ABTB3: variants seen among roughly 807,000 people sequenced by gnomAD.
The protein encoded by ABTB3 is ankyrin repeat and BTB domain containing 3, also known as ankyrin repeat- and BTB/POZ domain-containing protein 3.
the ABTB3 span, among the ~76,000 whole-genome samples, chr12:107,641,785 C>T: frequency 4.6e-5 from 7 of 152,142 alleles, no homozygotes; most frequent in Non-Finnish European, 8.8e-5. Flanking sequence ...ATGAAGGTGG[C>T]GGCCACGTGA....
At chr12:107,444,813 G>A in the ABTB3 span, among the ~76,000 whole-genome samples, 1 of 152,228 alleles carries the variant, frequency 6.6e-6, no homozygotes, top group Non-Finnish European at 1.5e-5. Flanking sequence ...TAACGGGGCA[G>A]TTAAGGTCAG....
At chr12:107,330,559 C>T in the ABTB3 span, among the ~76,000 whole-genome samples, 2 of 152,318 alleles carry the variant, frequency 1.3e-5, no homozygotes, top group African/African-American at 4.8e-5. Flanking sequence ...GTTTAACGCT[C>T]ACATTTTACA....
At chr12:107,488,882 C>G in the ABTB3 span, among the ~76,000 whole-genome samples, 1 of 151,196 alleles carries the variant, frequency 6.6e-6, no homozygotes, top group Non-Finnish European at 1.5e-5. Flanking sequence ...ATGTTGAAGG[C>G]CTGAGTCAGG....
the ABTB3 span, among the ~76,000 whole-genome samples, chr12:107,404,990 C>T: frequency 3.3e-5 from 5 of 152,310 alleles, no homozygotes; most frequent in African/African-American, 7.2e-5. Flanking sequence ...GGCCTCACAT[C>T]GGTGTGAGGT....
chr12:107,334,625 G>A, the ABTB3 span, among the ~76,000 whole-genome samples: 2 of 152,104 alleles, frequency 1.3e-5, no homozygotes, highest in South Asian at 2.1e-4. Flanking sequence ...GGAGTATCTC[G>A]GATTCAGGAG....
the ABTB3 span, among the ~76,000 whole-genome samples, chr12:107,436,913 CTGA>C: frequency 1.3e-5 from 2 of 152,092 alleles, no homozygotes; most frequent in Admixed American, 6.5e-5. Context: ...ATTTGAGAGC[CTGA>C]TGAAAGCTAT....
At chr12:107,403,413 T>C in the ABTB3 span, among the ~76,000 whole-genome samples, 5,066 of 152,158 alleles carry the variant, frequency 0.033, 264 homozygotes, top group African/African-American at 0.12. Context: ...TGCTAAAGCT[T>C]CCTACCAGCT....
chr12:107,546,573 A>G, the ABTB3 span, among the ~76,000 whole-genome samples: 3 of 152,186 alleles, frequency 2.0e-5, no homozygotes, highest in African/African-American at 7.2e-5. Context: ...TCTACTTTTG[A>G]TGTCTACACG....
chr12:107,389,496 G>T, the ABTB3 span, among the ~76,000 whole-genome samples: 1 of 152,128 alleles, frequency 6.6e-6, no homozygotes, highest in Non-Finnish European at 1.5e-5. Context: ...GTGACATTCT[G>T]CCCCCAACAA....
At chr12:107,582,458 G>A in the ABTB3 span, among the ~76,000 whole-genome samples, 45 of 152,266 alleles carry the variant, frequency 3.0e-4, 1 homozygote, top group African/African-American at 9.4e-4. Context: ...ACCACTGAGC[G>A]CTTTCCTGTC....
At chr12:107,426,083 T>C in the ABTB3 span, among the ~76,000 whole-genome samples, 1 of 143,814 alleles carries the variant, frequency 7.0e-6, no homozygotes, top group South Asian at 2.5e-4. Flanking sequence ...CCTAGTTGCA[T>C]AAATGCTGGC....
At chr12:107,590,298 A>C in the ABTB3 span, among the ~76,000 whole-genome samples, 3 of 151,004 alleles carry the variant, frequency 2.0e-5, no homozygotes, top group Non-Finnish European at 3.0e-5. Flanking sequence ...CTCAGAAGAG[A>C]GGTCTTAACT....
the ABTB3 span, among the ~76,000 whole-genome samples, chr12:107,369,365 T>G: frequency 3.3e-5 from 5 of 151,936 alleles, no homozygotes; most frequent in Admixed American, 1.3e-4. Context: ...AGATGCAACC[T>G]TTATTATAAA....
At chr12:107,471,749 C>A in the ABTB3 span, among the ~76,000 whole-genome samples, 4 of 152,120 alleles carry the variant, frequency 2.6e-5, no homozygotes, top group African/African-American at 9.7e-5. Flanking sequence ...GAAGAACACC[C>A]CTCACAGAGC....
chr12:107,319,558 C>A, the ABTB3 span: 1 of 1,545,410 alleles, frequency 6.5e-7, no homozygotes. Flanking sequence ...AGTCGGCCCG[C>A]TGCGGCCTCA....
At chr12:107,351,444 G>T in the ABTB3 span, among the ~76,000 whole-genome samples, 3 of 152,198 alleles carry the variant, frequency 2.0e-5, no homozygotes, top group African/African-American at 4.8e-5. Flanking sequence ...TGGAGGAATG[G>T]CCTGGCTTCT....
the ABTB3 span, among the ~76,000 whole-genome samples, chr12:107,412,269 A>G: frequency 6.6e-6 from 1 of 152,192 alleles, no homozygotes; most frequent in South Asian, 2.1e-4. Context: ...CATCTTGCAG[A>G]TGAGGATTCT....
chr12:107,439,012 C>G, the ABTB3 span, among the ~76,000 whole-genome samples: 1 of 152,132 alleles, frequency 6.6e-6, no homozygotes, highest in African/African-American at 2.4e-5. Context: ...GGCTTCACCC[C>G]TTTTATTTTA....
chr12:107,573,822 C>T, the ABTB3 span, among the ~76,000 whole-genome samples: 1 of 152,132 alleles, frequency 6.6e-6, no homozygotes, highest in African/African-American at 2.4e-5. Context: ...TCGGATGAGG[C>T]CCACCCATGT....
Sources: gnomAD v4.1 joint callset for allele counts (sites outside exome capture counted in the v4.1 genomes callset) on GRCh38, gnomAD v4.1.1 for gene constraint, MANE v1.5 for transcripts, NCBI Gene and HGNC (gene_info 2026-07-23, HGNC 2026-07-21) for gene names.